BABAM2: variants seen among roughly 807,000 people sequenced by gnomAD.
The protein encoded by BABAM2 is BRISC and BRCA1-A complex member 2.
A neutral mutation model predicts 54.7 loss-of-function variants in BABAM2; 31 were observed. The ratio of observed to expected loss-of-function variants is 0.57; its 90% CI spans 0.43 to 0.77. BABAM2 has a LOEUF of 0.77. Ranked by LOEUF, BABAM2 falls within the 30% of genes least tolerant of loss-of-function variation. BABAM2 has a pLI of 0.00. For synonymous variants in BABAM2, 167 were observed against 162.9 expected (o/e 1.03, Z -0.19); for missense variants, 364 against 455.8 (o/e 0.80, Z 1.83).
chr2:28,115,182 AACACACACACACACAC>A lies in BABAM2; in HGVS notation c.571-14061_571-14046del, dbSNP rs35506654. Among the ~76,000 whole-genome samples the A allele has an allele frequency of 1.9e-3, 265 of 142,346 alleles. 2 individuals are homozygous for A. The highest frequency in any genetic ancestry group is 6.2e-3 in the African/African-American group (238 of 38,590). 93.4% of individuals were successfully genotyped at this position (142,346 alleles called of 152,430 possible). On this transcript the variant is annotated intron_variant, in intron 6 of 11. Coordinates refer to ENST00000379624, the MANE Select transcript of BABAM2 (RefSeq NM_199191.3). ...ATAACACATATGTAAATAACTTTAA[AACACACACACACACAC>A]ACACACACACACACACACACACACA... is the stretch of plus-strand genomic sequence containing the variant.
At chr2:28,147,334 A>G (rs1016328267) in intron 7 of BABAM2, among the ~76,000 whole-genome samples, 3 of 152,212 alleles carry the variant, frequency 2.0e-5, no homozygotes, top group South Asian at 2.1e-4. Context: ...CATCTTTGTG[A>G]TAGAACTCTC....
At chr2:27,987,047 A>G (rs1310836162) in intron 3 of BABAM2, among the ~76,000 whole-genome samples, 3 of 152,210 alleles carry the variant, frequency 2.0e-5, no homozygotes, top group Non-Finnish European at 4.4e-5. Context: ...TAATACTTCC[A>G]TTATCACATG....
intron 6 of BABAM2, among the ~76,000 whole-genome samples, chr2:28,047,428 C>A (rs1285105652): frequency 1.3e-5 from 2 of 152,144 alleles, no homozygotes; most frequent in Non-Finnish European, 2.9e-5. Flanking sequence ...ATATAATCCA[C>A]AATTTACAGT....
chr2:27,936,108 C>T (rs1327811195), intron 3 of BABAM2, among the ~76,000 whole-genome samples: 4 of 151,930 alleles, frequency 2.6e-5, no homozygotes, highest in Non-Finnish European at 4.4e-5. Flanking sequence ...TTAGTAGAGA[C>T]GGGGCTTCAC....
chr2:28,274,132 G>A (rs1314472968), intron 10 of BABAM2, among the ~76,000 whole-genome samples: 7 of 152,138 alleles, frequency 4.6e-5, no homozygotes, highest in Non-Finnish European at 1.0e-4. Context: ...TTATCTGGCG[G>A]CCTTCCCCAG....
intron 10 of BABAM2, among the ~76,000 whole-genome samples, chr2:28,263,906 G>A (rs1684754631): frequency 1.3e-5 from 2 of 152,146 alleles, no homozygotes; most frequent in Admixed American, 1.3e-4. Flanking sequence ...CGTCTCCAGG[G>A]AAACCACAGT....
At chr2:28,091,497 C>G (rs78036379) in intron 6 of BABAM2, among the ~76,000 whole-genome samples, 1 of 152,106 alleles carries the variant, frequency 6.6e-6, no homozygotes, top group African/African-American at 2.4e-5. Flanking sequence ...CCTATTCATC[C>G]GTCTTTAAAA....
chr2:27,901,042 CAAA>C (rs553293287), intron 2 of BABAM2, among the ~76,000 whole-genome samples: 7 of 83,570 alleles, frequency 8.4e-5, no homozygotes, highest in Admixed American at 2.6e-4. Context: ...GACTCTGTCT[CAAA>C]AAAAAAAAAA....
In BABAM2 at chr2:28,128,832, G is replaced by A. The variant is rs1476759523; in HGVS notation, c.571-439G>A. Among the ~76,000 whole-genome samples, 3 of 152,178 alleles carry A rather than the reference G, an allele frequency of 2.0e-5. No individual in the cohort carries two copies. In the East Asian group the frequency reaches 5.8e-4, roughly 29 times the overall value. On this transcript the variant is annotated intron_variant, in intron 6 of 11. Transcript: ENST00000379624. ...CACTCTTCATGGTGATATGTTTCCT[G>A]CAAATTTTTGCTATTTAAATAGCTT...
At chr2:28,139,981 C>T (rs1670900947) in intron 7 of BABAM2, among the ~76,000 whole-genome samples, 1 of 151,586 alleles carries the variant, frequency 6.6e-6, no homozygotes. Context: ...CATTCTCTTG[C>T]TTAAAAACAG....
chr2:27,983,348 GCAC>G (rs1166712859), intron 3 of BABAM2, among the ~76,000 whole-genome samples: 1 of 152,040 alleles, frequency 6.6e-6, no homozygotes, highest in Non-Finnish European at 1.5e-5. Context: ...CCATATTCCA[GCAC>G]CACATTGTCT....
intron 4 of BABAM2, among the ~76,000 whole-genome samples, chr2:28,008,131 A>C (rs76215835): frequency 1.3e-5 from 2 of 152,302 alleles, no homozygotes; most frequent in East Asian, 1.9e-4. Flanking sequence ...ATAGAAAGAC[A>C]GTGATATGAA....
At chr2:28,337,360 G>A (rs746677571) in intron 11 of BABAM2, among the ~76,000 whole-genome samples, 2 of 152,154 alleles carry the variant, frequency 1.3e-5, no homozygotes, top group Non-Finnish European at 2.9e-5. Context: ...TGCCATTGGT[G>A]CCCTGATGTG....
intron 2 of BABAM2, among the ~76,000 whole-genome samples, chr2:27,920,571 A>G (rs954893169): frequency 6.6e-6 from 1 of 152,142 alleles, no homozygotes. Flanking sequence ...TTGATCTTTG[A>G]GCATATTTTA....
At chr2:28,080,514 A>T (rs1477935510) in intron 6 of BABAM2, among the ~76,000 whole-genome samples, 1 of 152,142 alleles carries the variant, frequency 6.6e-6, no homozygotes, top group Non-Finnish European at 1.5e-5. Flanking sequence ...ATAATGAGAG[A>T]GATGGTAGGT....
chr2:28,131,070 A>ATTTTTTTTTTT (rs757511616), intron 7 of BABAM2, among the ~76,000 whole-genome samples: 1 of 6,954 alleles, frequency 1.4e-4, no homozygotes, highest in Non-Finnish European at 5.0e-4. Flanking sequence ...TATTATTATT[A>ATTTTTTTTTTT]TTATTATTAT....
chr2:28,310,899 GA>G (rs1298126646), intron 11 of BABAM2, among the ~76,000 whole-genome samples: 1 of 149,452 alleles, frequency 6.7e-6, no homozygotes. Flanking sequence ...TAAAAATAAA[GA>G]AAAAAAGAGT....
At chr2:27,993,384 A>G (rs557065739) in intron 4 of BABAM2, among the ~76,000 whole-genome samples, 2 of 152,304 alleles carry the variant, frequency 1.3e-5, no homozygotes, top group East Asian at 3.9e-4. Context: ...TACACTTTAG[A>G]TTAAAATTTT....
chr2:28,181,955 T>G (rs1675686268), intron 7 of BABAM2, among the ~76,000 whole-genome samples: 2 of 152,058 alleles, frequency 1.3e-5, no homozygotes, highest in South Asian at 4.2e-4. Context: ...TGAGGATTTC[T>G]GGGGGCAGAG....
Sources: gnomAD v4.1 joint callset for allele counts (sites outside exome capture counted in the v4.1 genomes callset) on GRCh38, gnomAD v4.1.1 for gene constraint, MANE v1.5 for transcripts, NCBI Gene and HGNC (gene_info 2026-07-23, HGNC 2026-07-21) for gene names.